E2F2: variants seen among roughly 807,000 people sequenced by gnomAD.
E2F2 encodes the protein E2F transcription factor 2, also known as transcription factor E2F2.
Under a neutral mutation model 42.2 loss-of-function variants are expected in E2F2, and 22 were observed. The ratio of observed to expected loss-of-function variants is 0.52; its 90% CI spans 0.37 to 0.74. The LOEUF is 0.74. Ranked by LOEUF, E2F2 falls within the 30% of genes least tolerant of loss-of-function variation. The pLI is 0.00. For synonymous variants in E2F2, 248 were observed against 251.6 expected, an observed-to-expected ratio of 0.99 and a Z score of 0.13; for missense variants, 481 against 557.8, an observed-to-expected ratio of 0.86 and a Z score of 1.39.
At chr1:23,518,916 A>T (rs1260891337) in intron 5 of E2F2, 100 bp downstream of exon 5, 1 of 856,464 alleles carries the variant, frequency 1.2e-6, no homozygotes, top group Admixed American at 2.8e-5. Flanking sequence ...CCTGCAAAGC[A>T]TGGGGCTAGG....
rs377589757 is a variant in E2F2, at chr1:23,510,205, C to T, written c.1046-57G>A. The T allele has an allele frequency of 3.3e-5, 48 of 1,469,830 alleles. No individual in the cohort carries two copies. The African/African-American group carries it at 4.4e-4, about 13-fold the overall frequency. 91.0% of individuals were successfully genotyped at this position (1,469,830 alleles called of 1,614,324 possible). A position where few individuals can be genotyped will look rare whatever the true frequency, so the allele number is the denominator to read the frequency against. ...CCCTAGCATCCAACTCCTCAGCACG[C>T]GAGGACAGACTTCCGGTTCTCTGGA... On this transcript the variant is annotated intron_variant, in intron 6 of 6. Transcript: ENST00000361729.
intron 5 of E2F2, among the ~76,000 whole-genome samples, chr1:23,518,546 G>A (rs1416027580): frequency 6.6e-6 from 1 of 152,068 alleles, no homozygotes; most frequent in African/African-American, 2.4e-5. Flanking sequence ...TTAGTGCAAT[G>A]GGGAAACTGC....
At position 23,506,903 on chromosome 1, in the gene E2F2, C is replaced by G. The variant is rs1178684724; in HGVS notation, c.*2977G>C. On this transcript the variant is annotated 3_prime_UTR_variant, in exon 7 of 7. Coordinates refer to ENST00000361729, the MANE Select transcript of E2F2 (RefSeq NM_004091.4). The stretch of plus-strand genomic sequence containing the variant: ...ACCATCCTAAAGCCAGTTTTTCAAG[C>G]TTGACCACCTCCCTCTTCCTCCCTG... 1 of 152,450 alleles carries G rather than the reference C, an allele frequency of 6.6e-6. No individual in the cohort carries two copies. The highest frequency in any genetic ancestry group is 1.5e-5 in the Non-Finnish European group (1 of 68,250). 9.4% of individuals were successfully genotyped at this position (152,450 alleles called of 1,614,324 possible).
At chr1:23,528,436 G>A (rs1643284850) in intron 1 of E2F2, among the ~76,000 whole-genome samples, 3 of 152,194 alleles carry the variant, frequency 2.0e-5, no homozygotes, top group East Asian at 3.9e-4. Flanking sequence ...GCCTGCCCAC[G>A]GGGCTGGGCC....
chr1:23,519,363 A>C, intron 4 of E2F2: 1 of 335,018 alleles, frequency 3.0e-6, no homozygotes, highest in Non-Finnish European at 5.4e-6. Flanking sequence ...ATTATAAATC[A>C]TAAAAAATGT....
At chr1:23,511,317 C>T (rs535343659) in intron 6 of E2F2, among the ~76,000 whole-genome samples, 40 of 152,240 alleles carry the variant, frequency 2.6e-4, no homozygotes, top group African/African-American at 8.7e-4. Flanking sequence ...TCACTGCAGC[C>T]TCAACCTTCT....
chr1:23,524,334 C>T (rs764853311), intron 2 of E2F2, 49 bp downstream of exon 2: 5 of 1,433,256 alleles, frequency 3.5e-6, no homozygotes, highest in Admixed American at 2.1e-5. Context: ...GGGCACTGCC[C>T]TCTGCCCCTG....
At chr1:23,514,487 T>A (rs1053027676) in intron 6 of E2F2, among the ~76,000 whole-genome samples, 1 of 152,064 alleles carries the variant, frequency 6.6e-6, no homozygotes, top group African/African-American at 2.4e-5. Context: ...CCACTTGCCC[T>A]CTCTGGGCCT....
At chr1:23,528,155 C>T (rs1366232640) in intron 1 of E2F2, among the ~76,000 whole-genome samples, 6 of 152,094 alleles carry the variant, frequency 3.9e-5, no homozygotes, top group South Asian at 4.1e-4. Flanking sequence ...AGGAGGCATG[C>T]GATAAAGGGG....
At chr1:23,516,900 C>T (rs1643035255) in intron 5 of E2F2, among the ~76,000 whole-genome samples, 1 of 151,716 alleles carries the variant, frequency 6.6e-6, no homozygotes, top group Non-Finnish European at 1.5e-5. Context: ...GCCCATGGCT[C>T]AGGTGGATCC....
chr1:23,519,672 G>C (rs771383157), intron 4 of E2F2, among the ~76,000 whole-genome samples: 5 of 152,202 alleles, frequency 3.3e-5, no homozygotes, highest in Non-Finnish European at 7.3e-5. Context: ...GCTCATGCCT[G>C]TAATCCTAGC....
Position 23,531,135 on chromosome 1 carries a change from C to G in E2F2, c.-342G>C, listed in dbSNP as rs895327342. 9.7e-5 allele frequency: 27 copies of G among 279,428 alleles called. No homozygotes were observed. Among genetic ancestry groups the G allele is most frequent in the African/African-American group, 5.2e-4 (24 of 45,884 alleles). The allele number at this position is 279,428 out of a possible 1,614,324, so 17.3% of individuals were successfully genotyped here. On this transcript the variant is annotated 5_prime_UTR_variant, in exon 1 of 7. Coordinates refer to ENST00000361729, the MANE Select transcript of E2F2 (RefSeq NM_004091.4). ...TCTGGGGAGGGGTCCCCGGCGTGCCCTCAAGCTCGGCGGAGACGCGATGCG... is the reference window on the plus strand; with the variant it reads ...TCTGGGGAGGGGTCCCCGGCGTGCCGTCAAGCTCGGCGGAGACGCGATGCG...
At chr1:23,523,581 T>TGGG (rs1387003178) in intron 2 of E2F2, among the ~76,000 whole-genome samples, 78 of 152,240 alleles carry the variant, frequency 5.1e-4, no homozygotes, top group Non-Finnish European at 5.6e-4. Context: ...TGGATTAATC[T>TGGG]GTGCTTCCCT....
At position 23,509,727 on chromosome 1, in the gene E2F2, C is replaced by T; in HGVS notation, c.*153G>A. 2.2e-6 allele frequency: 3 copies of T among 1,381,326 alleles called. No homozygotes were observed. The highest frequency in any genetic ancestry group is 2.8e-6 in the Non-Finnish European group (3 of 1,056,024). The allele number at this position is 1,381,326 out of a possible 1,614,324, so 85.6% of individuals were successfully genotyped here. A position where few individuals can be genotyped will look rare whatever the true frequency, so the allele number is the denominator to read the frequency against. On this transcript the variant is annotated 3_prime_UTR_variant, in exon 7 of 7. Transcript: ENST00000361729. The stretch of plus-strand genomic sequence containing the variant: ...CCCGTACCATTCATATCTCCCCACA[C>T]AGCTTCTGCCGGCTGGGGCAGGAAA...
rs1642855994 is a variant in E2F2 at position 23,509,053 on chromosome 1, A to G, written c.*827T>C. The G allele has an allele frequency of 6.6e-6, 1 of 152,040 alleles. No homozygotes were observed. The highest frequency in any genetic ancestry group is 6.6e-5 in the Admixed American group (1 of 15,266). 9.4% of individuals were successfully genotyped at this position (152,040 alleles called of 1,614,324 possible). ...CTTGTCTCTGCTGGACCATTTTTAC[A>G]TCTCAAGGGGAGAGGTAAGGACTTC... On this transcript the variant is annotated 3_prime_UTR_variant, in exon 7 of 7. Transcript: ENST00000361729.
In E2F2 at chr1:23,516,341, A is replaced by T. The variant is rs1643016226; in HGVS notation, c.1039T>A (p.Ser347Thr). The change falls in exon 6 of 7, where the codon TCC becomes ACC. Residue 347 changes from serine (S) to threonine (T), a missense_variant. Physicochemically the swap from Ser to Thr is moderately conservative, Grantham distance 58 (BLOSUM62 1). Coordinates refer to ENST00000361729, the MANE Select transcript of E2F2 (RefSeq NM_004091.4). ...TDPSIMEPTASSVPAPAPTPQ... is the reference protein window; with the variant it reads ...TDPSIMEPTATSVPAPAPTPQ... ...CTCTGGACAAGGGACCTACCTGAGG[A>T]TGCTGTGGGCTCCATGATGCTAGGG... 6.5e-7 allele frequency: 1 copy of T among 1,536,520 alleles called. No homozygotes were observed. Among genetic ancestry groups the T allele is most frequent in the African/African-American group, 1.4e-5 (1 of 70,508 alleles).
At chr1:23,517,856 C>T (rs949137738) in intron 5 of E2F2, among the ~76,000 whole-genome samples, 2 of 152,040 alleles carry the variant, frequency 1.3e-5, no homozygotes, top group African/African-American at 4.8e-5. Flanking sequence ...CATTTCAGCT[C>T]GAGGGGAAGA....
intron 4 of E2F2, 92 bp downstream of exon 4, chr1:23,520,821 C>G: frequency 4.5e-6 from 6 of 1,318,734 alleles, no homozygotes; most frequent in Non-Finnish European, 5.9e-6. Context: ...GATGCCAGAC[C>G]CTTAGGGTAA....
intron 6 of E2F2, 59 bp downstream of exon 6, chr1:23,516,276 A>C: frequency 8.5e-6 from 12 of 1,414,338 alleles, no homozygotes; most frequent in Non-Finnish European, 1.1e-5. Flanking sequence ...TTGATATAGA[A>C]GAGAAAACTA....
Sources: allele counts gnomAD v4.1 joint callset (sites outside exome capture counted in the v4.1 genomes callset), GRCh38; gene constraint gnomAD v4.1.1; transcripts MANE v1.5; gene names NCBI Gene and HGNC (gene_info 2026-07-23, HGNC 2026-07-21).